The following PLXDC2 variants were observed in gnomAD, a reference collection of about 807,000 sequenced individuals.
PLXDC2 encodes the protein plexin domain-containing protein 2.
A neutral mutation model predicts 68.9 loss-of-function variants in PLXDC2; 40 were observed. The ratio of observed to expected loss-of-function variants is 0.58; its 90% CI spans 0.45 to 0.76. The LOEUF (loss-of-function observed/expected upper bound fraction) is 0.76, where lower values mean the gene tolerates loss of function less well. Ranked by LOEUF, PLXDC2 falls within the 30% of genes least tolerant of loss-of-function variation. PLXDC2 has a pLI of 0.00. For missense variants in PLXDC2, 644 were observed against 661.9 expected (o/e 0.97, Z 0.30); for synonymous variants, 243 against 234.2 (o/e 1.04, Z -0.34).
chr10:20,080,720 C>A (rs1836538879), intron 4 of PLXDC2, among the ~76,000 whole-genome samples: 1 of 152,132 alleles, frequency 6.6e-6, no homozygotes, highest in African/African-American at 2.4e-5. Flanking sequence ...TTGGCAACAT[C>A]CTCACAGACA....
chr10:20,210,553 A>T (rs185244435), intron 9 of PLXDC2, among the ~76,000 whole-genome samples: 1 of 152,146 alleles, frequency 6.6e-6, no homozygotes, highest in African/African-American at 2.4e-5. Context: ...AATTAACACA[A>T]TGCTTGCTAA....
At chr10:20,098,475 C>T (rs1589628303) in intron 4 of PLXDC2, among the ~76,000 whole-genome samples, 1 of 152,094 alleles carries the variant, frequency 6.6e-6, no homozygotes, top group East Asian at 1.9e-4. Flanking sequence ...AGGATGTTCT[C>T]CCCATCTCAA....
intron 1 of PLXDC2, among the ~76,000 whole-genome samples, chr10:19,821,154 A>C (rs1336906129): frequency 6.6e-6 from 1 of 152,182 alleles, no homozygotes; most frequent in African/African-American, 2.4e-5. Flanking sequence ...TCCTCACATT[A>C]ATACAGTCTC....
intron 10 of PLXDC2, among the ~76,000 whole-genome samples, chr10:20,215,369 G>A (rs550206402): frequency 6.6e-6 from 1 of 152,204 alleles, no homozygotes; most frequent in South Asian, 2.1e-4. Context: ...AAAGCTGGGA[G>A]TCTGAGAAGA....
At chr10:20,203,563 G>A (rs1834949702) in intron 9 of PLXDC2, among the ~76,000 whole-genome samples, 1 of 151,744 alleles carries the variant, frequency 6.6e-6, no homozygotes, top group Non-Finnish European at 1.5e-5. Context: ...CTCCTGCCTT[G>A]ACCTCCCAAA....
chr10:19,852,009 A>G (rs1163901707), intron 1 of PLXDC2, among the ~76,000 whole-genome samples: 3 of 152,336 alleles, frequency 2.0e-5, no homozygotes, highest in Non-Finnish European at 2.9e-5. Flanking sequence ...GTAATCTAGG[A>G]TCTTGTTCAA....
intron 1 of PLXDC2, among the ~76,000 whole-genome samples, chr10:19,912,352 T>C (rs1833289215): frequency 6.6e-6 from 1 of 152,220 alleles, no homozygotes; most frequent in South Asian, 2.1e-4. Flanking sequence ...AATCTGAGCT[T>C]TCCCATTTGA....
At chr10:19,867,099 C>G (rs1837433564) in intron 1 of PLXDC2, among the ~76,000 whole-genome samples, 1 of 123,250 alleles carries the variant, frequency 8.1e-6, no homozygotes, top group Non-Finnish European at 1.6e-5. Context: ...GAGTTTCCAT[C>G]TTGTTGCCCA....
At chr10:20,060,679 TTC>T (rs1420631521) in intron 3 of PLXDC2, among the ~76,000 whole-genome samples, 2 of 151,956 alleles carry the variant, frequency 1.3e-5, no homozygotes, top group Admixed American at 6.6e-5. Context: ...TTCTCAAATT[TTC>T]TCTCTTTTGT....
At position 19,912,171 on chromosome 10, in the gene PLXDC2, A is replaced by G. The variant is rs551634241; in HGVS notation, c.113-89604A>G. Among the ~76,000 whole-genome samples the G allele has an allele frequency of 9.8e-5, 15 of 152,338 alleles. 1 individual carries two copies. In the South Asian group the frequency reaches 3.1e-3, roughly 32 times the overall value. ...GAATTTAGTCTGAGTGTACAGAGCT[A>G]TTAGAGCTGAGCTGCTGAATGCTTT... On this transcript the variant is annotated intron_variant, in intron 1 of 13. Coordinates refer to ENST00000377252, the MANE Select transcript of PLXDC2 (RefSeq NM_032812.9).
intron 7 of PLXDC2, among the ~76,000 whole-genome samples, chr10:20,165,275 T>G (rs1834359061): frequency 6.6e-6 from 1 of 152,146 alleles, no homozygotes. Flanking sequence ...ATCTTTTTTT[T>G]TTCTTTCTTT....
At chr10:20,088,362 A>G (rs551425425) in intron 4 of PLXDC2, among the ~76,000 whole-genome samples, 1 of 152,346 alleles carries the variant, frequency 6.6e-6, no homozygotes, top group Non-Finnish European at 1.5e-5. Context: ...AAGCAGAATT[A>G]CTAGTGAATA....
At chr10:20,227,896 TA>T (rs1240909159) in intron 12 of PLXDC2, among the ~76,000 whole-genome samples, 1 of 151,886 alleles carries the variant, frequency 6.6e-6, no homozygotes, top group Non-Finnish European at 1.5e-5. Context: ...ACCATGGGAA[TA>T]AAAAAAGAGA....
At chr10:19,833,951 T>G (rs1424527265) in intron 1 of PLXDC2, among the ~76,000 whole-genome samples, 2 of 151,390 alleles carry the variant, frequency 1.3e-5, no homozygotes, top group African/African-American at 4.8e-5. Context: ...ATTTTGCTTT[T>G]TTTTTTTTTT....
rs901519421 is a variant in PLXDC2 at position 20,219,023 on chromosome 10, C to G, written c.1274-41C>G. 4.8e-5 allele frequency: 76 copies of G among 1,598,818 alleles called. No homozygotes were observed. The Middle Eastern group carries it at 8.3e-4, about 17-fold the overall frequency. On this transcript the variant is annotated intron_variant, in intron 11 of 13. Coordinates refer to ENST00000377252, the MANE Select transcript of PLXDC2 (RefSeq NM_032812.9). ...CATAAGATTTATGCTCCTTTGAAATCAATCCTTTTCTGTTATAGTAACTTT... is the reference window on the plus strand; with the variant it reads ...CATAAGATTTATGCTCCTTTGAAATGAATCCTTTTCTGTTATAGTAACTTT...
intron 3 of PLXDC2, among the ~76,000 whole-genome samples, chr10:20,063,935 A>G (rs1327947573): frequency 2.0e-5 from 3 of 152,228 alleles, no homozygotes; most frequent in Non-Finnish European, 4.4e-5. Flanking sequence ...CAAAGTTACC[A>G]TTCCCCCTTC....
At chr10:20,079,228 T>C (rs1387717459) in intron 4 of PLXDC2, among the ~76,000 whole-genome samples, 1 of 152,140 alleles carries the variant, frequency 6.6e-6, no homozygotes, top group Non-Finnish European at 1.5e-5. Context: ...AGAATACATT[T>C]ATGTGGCAAA....
At chr10:19,963,533 T>C (rs1167762632) in intron 1 of PLXDC2, among the ~76,000 whole-genome samples, 2 of 152,166 alleles carry the variant, frequency 1.3e-5, no homozygotes, top group African/African-American at 4.8e-5. Flanking sequence ...TCATGTCCTT[T>C]GTAGGGGCAT....
Position 20,164,897 on chromosome 10 carries a change from C to T in PLXDC2, c.883+330C>T, listed in dbSNP as rs116726569. Among the ~76,000 whole-genome samples the T allele has an allele frequency of 9.0e-3, 1,364 of 152,222 alleles. 15 individuals are homozygous for T. Among genetic ancestry groups the T allele is most frequent in the African/African-American group, 0.028 (1,179 of 41,538 alleles). On this transcript the variant is annotated intron_variant, in intron 7 of 13. Coordinates refer to ENST00000377252, the MANE Select transcript of PLXDC2 (RefSeq NM_032812.9). Reference sequence around the variant, plus strand: ...GTGGTGCACTCACAGCTCACTGCAACCTTGACCTCCCAGGCTCAAATGATC... The same window carrying T: ...GTGGTGCACTCACAGCTCACTGCAATCTTGACCTCCCAGGCTCAAATGATC...
Sources: allele counts gnomAD v4.1 joint callset (sites outside exome capture counted in the v4.1 genomes callset), GRCh38; gene constraint gnomAD v4.1.1; transcripts MANE v1.5; gene names NCBI Gene and HGNC (gene_info 2026-07-23, HGNC 2026-07-21).